Variants in MYO6 observed in about 807,000 individuals in gnomAD.
MYO6 encodes the protein unconventional myosin-VI.
Under a neutral mutation model 178.7 loss-of-function variants are expected in MYO6, and 74 were observed. That is an observed-to-expected ratio of 0.41 (90% CI 0.34 to 0.50). The LOEUF is 0.50. Among genes scored for constraint, MYO6 ranks in the 20% least tolerant of loss-of-function variants. MYO6 has a pLI of 0.09. For synonymous variants in MYO6, 477 were observed against 504.6 expected, an observed-to-expected ratio of 0.95 and a Z score of 0.73; for missense variants, 1,330 against 1,547.4, an observed-to-expected ratio of 0.86 and a Z score of 2.36.
chr6:75,827,538 C>G (rs1439372729), intron 3 of MYO6, among the ~76,000 whole-genome samples: 2 of 152,114 alleles, frequency 1.3e-5, no homozygotes, highest in Non-Finnish European at 2.9e-5. Context: ...GAGGGCTCTA[C>G]TTTAGTTAAT....
chr6:75,797,175 C>T (rs1768938598), intron 1 of MYO6, among the ~76,000 whole-genome samples: 1 of 152,264 alleles, frequency 6.6e-6, no homozygotes, highest in Non-Finnish European at 1.5e-5. Flanking sequence ...CTTCAACCTC[C>T]ACTTCCTGGG....
chr6:75,867,046 A>G lies in MYO6; in HGVS notation c.1885A>G (p.Lys629Glu), dbSNP rs1318069575. 5 of 1,614,014 alleles carry G rather than the reference A, an allele frequency of 3.1e-6. No homozygotes were observed. The highest frequency in any genetic ancestry group is 3.3e-5 in the Admixed American group (2 of 60,014). ...ELFESSTNNN[K>E]DTKQKAGKLS... is the part of the protein sequence containing the mutation. ...ATTTGAATCATCCACAAATAACAAC[A>G]AAGATACTAAACAAAAAGCAGGAAA... Residue 629 changes from lysine (K) to glutamate (E), a missense_variant, in exon 18 of 35, where the codon AAA becomes GAA. Transcript: ENST00000369977.
In MYO6 at chr6:75,906,667, C is replaced by A. The variant is rs66507445; in HGVS notation, c.3177-938C>A. Among the ~76,000 whole-genome samples, 818 of 152,070 alleles carry A rather than the reference C, an allele frequency of 5.4e-3. 6 individuals carry two copies. The highest frequency in any genetic ancestry group is 9.0e-3 in the Non-Finnish European group (613 of 67,998). On this transcript the variant is annotated intron_variant, in intron 30 of 34. Coordinates refer to ENST00000369977, the MANE Select transcript of MYO6 (RefSeq NM_004999.4). ...CTCCAGCCTGGGTGAAAGAGCCAGA[C>A]CCCTTCTCAAAAAAAACAAAAAACA...
chr6:75,905,550 T>G (rs1562311236), intron 30 of MYO6, among the ~76,000 whole-genome samples: 2 of 152,246 alleles, frequency 1.3e-5, no homozygotes, highest in African/African-American at 2.4e-5. Flanking sequence ...TCTTCTGGAG[T>G]GAGGCAATGC....
chr6:75,879,894 T>C lies in MYO6; in HGVS notation c.2152T>C (p.Tyr718His). The change falls in exon 21 of 35, where the codon TAC (tyrosine) becomes CAC (histidine). Residue 718 changes from tyrosine to histidine, a missense_variant. Around this residue, in one of 3 missense-constraint regions of MYO6, gnomAD observed 613 missense variants for 816.8 expected, o/e 0.75. Transcript: ENST00000369977. ...TTCATTTCATGAACTCTACAACATG[T>C]ACAAAAAGTATATGCCAGATAAACT... The part of the protein sequence containing the change: ...RASFHELYNM[Y>H]KKYMPDKLAR... 1 of 1,614,170 alleles carries C rather than the reference T, an allele frequency of 6.2e-7. No individual in the cohort carries two copies. Among genetic ancestry groups the C allele is most frequent in the Non-Finnish European group, 8.5e-7 (1 of 1,180,018 alleles).
chr6:75,817,658 A>G lies in MYO6; in HGVS notation c.111A>G (p.Lys37=), dbSNP rs1771416087. Residue 37 remains lysine (K), a synonymous_variant, in exon 2 of 35, where the codon AAA becomes AAG. Transcript: ENST00000369977. The part of the protein sequence containing the change: ...DSLTIEPLNQ[K]GKTFLALINQ... ...TAACAATTGAACCCTTGAATCAGAA[A>G]GGCAAGGTGAGTTTCTCAGAAAGAT... 6.2e-7 allele frequency: 1 copy of G among 1,613,336 alleles called. No homozygotes were observed. Among genetic ancestry groups the G allele is most frequent in the Non-Finnish European group, 8.5e-7 (1 of 1,179,236 alleles).
intron 1 of MYO6, among the ~76,000 whole-genome samples, chr6:75,769,071 A>T (rs1244667458): frequency 6.6e-6 from 1 of 152,004 alleles, no homozygotes; most frequent in African/African-American, 2.4e-5. Context: ...GCGAGCACTC[A>T]CTCATTTGTG....
At chr6:75,855,080 T>A (rs778082719) in intron 11 of MYO6, 59 bp from the exon 12 acceptor site, 41 of 1,391,480 alleles carry the variant, frequency 2.9e-5, no homozygotes, top group Non-Finnish European at 4.0e-5. Context: ...AAGAAATGGG[T>A]CTTGAAAATC....
At chr6:75,774,665 G>C (rs1372262047) in intron 1 of MYO6, among the ~76,000 whole-genome samples, 1 of 152,010 alleles carries the variant, frequency 6.6e-6, no homozygotes, top group Non-Finnish European at 1.5e-5. Context: ...ATTTGTTAGA[G>C]ATTTTCCTTA....
chr6:75,818,709 T>C (rs1408223196), intron 2 of MYO6, among the ~76,000 whole-genome samples: 3 of 152,184 alleles, frequency 2.0e-5, no homozygotes, highest in Non-Finnish European at 1.5e-5. Flanking sequence ...AAAACTATTC[T>C]GTTACTGTAA....
chr6:75,791,303 A>G (rs1231705357), intron 1 of MYO6, among the ~76,000 whole-genome samples: 1 of 152,142 alleles, frequency 6.6e-6, no homozygotes, highest in East Asian at 1.9e-4. Flanking sequence ...GTGAATTTCT[A>G]ATTTTGATCT....
At chr6:75,905,460 G>A (rs960860799) in intron 30 of MYO6, among the ~76,000 whole-genome samples, 2 of 152,206 alleles carry the variant, frequency 1.3e-5, no homozygotes, top group Non-Finnish European at 2.9e-5. Flanking sequence ...CGCAGTATTC[G>A]GGTGGAAGTG....
chr6:75,859,471 T>C (rs1326535761), intron 14 of MYO6, among the ~76,000 whole-genome samples: 2 of 151,012 alleles, frequency 1.3e-5, no homozygotes, highest in African/African-American at 4.9e-5. Context: ...AACAAATTTT[T>C]GTATTTTTAG....
chr6:75,843,001 T>C (rs1259493852), intron 9 of MYO6, among the ~76,000 whole-genome samples: 1 of 152,196 alleles, frequency 6.6e-6, no homozygotes, highest in Non-Finnish European at 1.5e-5. Context: ...GTCCTTGTGA[T>C]GGTAAGAGGA....
intron 1 of MYO6, among the ~76,000 whole-genome samples, chr6:75,792,374 C>G (rs1190290919): frequency 6.6e-6 from 1 of 151,982 alleles, no homozygotes; most frequent in East Asian, 1.9e-4. Context: ...AAATTATTCT[C>G]AAGAATATAA....
chr6:75,789,784 C>T (rs1486671506), intron 1 of MYO6, among the ~76,000 whole-genome samples: 1 of 152,124 alleles, frequency 6.6e-6, no homozygotes, highest in East Asian at 1.9e-4. Flanking sequence ...TTGAAATAAA[C>T]ACTACATTAC....
At chr6:75,790,999 T>A (rs1054365866) in intron 1 of MYO6, among the ~76,000 whole-genome samples, 1 of 152,154 alleles carries the variant, frequency 6.6e-6, no homozygotes, top group Non-Finnish European at 1.5e-5. Flanking sequence ...AGTGGGTCAA[T>A]GTCGGCTCAC....
In MYO6 at chr6:75,862,625, C is replaced by T; in HGVS notation, c.1576C>T (p.Leu526=). Residue 526 remains leucine (L), a synonymous_variant, in exon 16 of 35, where the codon CTG becomes TTG. Coordinates refer to ENST00000369977, the MANE Select transcript of MYO6 (RefSeq NM_004999.4). The stretch of plus-strand genomic sequence containing the variant: ...AATTGAAGCCAAATTAGTGGGAATA[C>T]TGGATATTTTGGATGAAGAAAATCG... ...DLIEAKLVGI[L]DILDEENRLP... The T allele has an allele frequency of 6.2e-7, 1 of 1,613,688 alleles. No individual in the cohort carries two copies. Among genetic ancestry groups the T allele is most frequent in the Non-Finnish European group, 8.5e-7 (1 of 1,179,682 alleles).
At chr6:75,754,987 T>C (rs779530714) in intron 1 of MYO6, among the ~76,000 whole-genome samples, 18 of 152,324 alleles carry the variant, frequency 1.2e-4, no homozygotes, top group South Asian at 2.1e-4. Flanking sequence ...CCCAGCACTT[T>C]GGGAGGCTGA....
Sources: gnomAD v4.1 joint callset for allele counts (sites outside exome capture counted in the v4.1 genomes callset) on GRCh38, gnomAD v4.1.1 for gene constraint, gnomAD v4.1.1 regional missense constraint, MANE v1.5 for transcripts, NCBI Gene and HGNC (gene_info 2026-07-23, HGNC 2026-07-21) for gene names.